The following ALDH1L1 variants were observed in gnomAD, a reference collection of about 807,000 sequenced individuals.
ALDH1L1 encodes the protein aldehyde dehydrogenase 1 family member L1, also known as cytosolic 10-formyltetrahydrofolate dehydrogenase.
ALDH1L1 carries 68 observed loss-of-function variants against 101.1 expected under a neutral mutation model. The observed-to-expected ratio is 0.67, with a 90% CI of 0.55 to 0.82. ALDH1L1 has a LOEUF of 0.82. ALDH1L1 is among the 40% of genes least tolerant of loss of function. The pLI is 0.00. For missense variants in ALDH1L1, 1,087 were observed against 1,172.7 expected, an observed-to-expected ratio of 0.93 and a Z score of 1.07; for synonymous variants, 486 against 470.8, an observed-to-expected ratio of 1.03 and a Z score of -0.42.
At chr3:126,189,829 C>A (rs1192324390) in intron 1 of ALDH1L1, among the ~76,000 whole-genome samples, 1 of 152,182 alleles carries the variant, frequency 6.6e-6, no homozygotes, top group Non-Finnish European at 1.5e-5. Flanking sequence ...ATGTTTTCCA[C>A]TGGGAGTGAA....
At chr3:126,176,525 A>T (rs891263218) in intron 1 of ALDH1L1, among the ~76,000 whole-genome samples, 12 of 152,214 alleles carry the variant, frequency 7.9e-5, no homozygotes, top group African/African-American at 2.9e-4. Flanking sequence ...AAGTAAACTC[A>T]CATCAATACA....
intron 1 of ALDH1L1, among the ~76,000 whole-genome samples, chr3:126,170,058 A>G (rs2081245408): frequency 6.6e-6 from 1 of 152,216 alleles, no homozygotes; most frequent in Non-Finnish European, 1.5e-5. Context: ...AGTCCTATTC[A>G]TGTAAAAAAA....
rs751304415 is a variant in ALDH1L1, at chr3:126,105,787, G to C, written c.2592C>G (p.Asn864Lys). The C allele has an allele frequency of 1.9e-6, 3 of 1,614,228 alleles. No individual in the cohort carries two copies. The highest frequency in any genetic ancestry group is 2.2e-5 in the South Asian group (2 of 91,088). The change falls in exon 22 of 23, where the codon AAC becomes AAG. Residue 864 changes from asparagine to lysine, a missense_variant. This residue lies in a region of ALDH1L1 where 442 missense variants were observed against 535.7 expected (regional missense o/e 0.83). Transcript: ENST00000393434. ...QAGTVFVNTYNKTDVAAPFGG... is the reference protein window; with the variant it reads ...QAGTVFVNTYKKTDVAAPFGG... ...CGAAGGGAGCGGCCACGTCGGTCTT[G>C]TTGTACGTGTTGACAAACACAGTGC...
intron 9 of ALDH1L1, among the ~76,000 whole-genome samples, chr3:126,144,444 T>C (rs1214032669): frequency 1.3e-5 from 2 of 152,246 alleles, no homozygotes; most frequent in Non-Finnish European, 2.9e-5. Context: ...TCACATTTCC[T>C]GATTTCAAAA....
upstream of ALDH1L1, chr3:126,180,613 A>G: frequency 8.0e-7 from 1 of 1,248,366 alleles, no homozygotes; most frequent in Non-Finnish European, 1.0e-6. Flanking sequence ...GCTCTGGTTA[A>G]GGCCAGAGCC....
Position 126,110,087 on chromosome 3 carries a change from T to C in ALDH1L1, c.2204A>G (p.Lys735Arg). The C allele has an allele frequency of 6.2e-7, 1 of 1,614,180 alleles. No homozygotes were observed. Among genetic ancestry groups the C allele is most frequent in the Non-Finnish European group, 8.5e-7 (1 of 1,180,020 alleles). ...GTCCCTGTCCAGCGGGTTGCCCACC[T>C]TCATCTTCCGCACCTCTTCTACCTG... ...RRVVEEVRKM[K>R]VGNPLDRDTD... is the part of the protein sequence containing the mutation. Residue 735 changes from lysine to arginine, a missense_variant, in exon 20 of 23, where the codon AAG becomes AGG. By Grantham distance (26) the Lys-to-Arg change is conservative. This residue lies in a region of ALDH1L1 where 442 missense variants were observed against 535.7 expected (regional missense o/e 0.83). Coordinates refer to ENST00000393434, the MANE Select transcript of ALDH1L1 (RefSeq NM_012190.4).
chr3:126,149,380 C>T (rs980219827), intron 8 of ALDH1L1, among the ~76,000 whole-genome samples: 1 of 152,186 alleles, frequency 6.6e-6, no homozygotes, highest in South Asian at 2.1e-4. Context: ...AAGATAGCAT[C>T]GTTTGACTCA....
intron 10 of ALDH1L1, 46 bp downstream of exon 10, chr3:126,137,767 C>T (rs2080478831): frequency 6.3e-7 from 1 of 1,597,098 alleles, no homozygotes; most frequent in South Asian, 1.1e-5. Context: ...GATGCAGCTG[C>T]CTGAGGGCTC....
intron 13 of ALDH1L1, among the ~76,000 whole-genome samples, chr3:126,130,598 A>C (rs1172236797): frequency 6.6e-6 from 1 of 152,196 alleles, no homozygotes; most frequent in Admixed American, 6.5e-5. Flanking sequence ...CCACAGCTCT[A>C]AGCAGTTGAG....
chr3:126,119,546 G>C (rs2108207414), intron 16 of ALDH1L1, among the ~76,000 whole-genome samples: 1 of 152,188 alleles, frequency 6.6e-6, no homozygotes, highest in East Asian at 1.9e-4. Flanking sequence ...CCTGCCTCCA[G>C]GCTTGTAAAA....
chr3:126,144,433 C>T (rs2080631098), intron 9 of ALDH1L1, among the ~76,000 whole-genome samples: 1 of 152,162 alleles, frequency 6.6e-6, no homozygotes, highest in Admixed American at 6.5e-5. Context: ...AGTTAGAGGA[C>T]TCACATTTCC....
chr3:126,146,980 C>T, intron 8 of ALDH1L1, 54 bp from the exon 9 acceptor site: 2 of 1,550,722 alleles, frequency 1.3e-6, no homozygotes, highest in Non-Finnish European at 8.8e-7. Context: ...GGGACAAGTG[C>T]CACTCCAGGA....
At chr3:126,167,607 A>C (rs1033899598) in intron 1 of ALDH1L1, among the ~76,000 whole-genome samples, 1 of 152,024 alleles carries the variant, frequency 6.6e-6, no homozygotes, top group African/African-American at 2.4e-5. Context: ...AGTGCACCTT[A>C]AGAAAAATCT....
In ALDH1L1 at chr3:126,180,561, C is replaced by T; in HGVS notation, c.-109G>A. On this transcript the variant is annotated 5_prime_UTR_variant, in exon 1 of 23. Transcript: ENST00000393434. ...GAAACTGAGGTTGGTGCAGACCCGT[C>T]CTGGGAGCCAGGAGGTGGGACCTGT... 1 of 1,118,628 alleles carries T rather than the reference C, an allele frequency of 8.9e-7. No individual in the cohort carries two copies. Among genetic ancestry groups the T allele is most frequent in the Non-Finnish European group, 1.1e-6 (1 of 907,930 alleles). The allele number at this position is 1,118,628 out of a possible 1,614,324, so 69.3% of individuals were successfully genotyped here.
At position 126,118,071 on chromosome 3, in the gene ALDH1L1, T is replaced by C. The variant is rs971767762; in HGVS notation, c.1916A>G (p.Asp639Gly). The part of the protein sequence containing the change: ...SGSLVGQRLS[D>G]HPDVRKIGFT... Reference sequence around the variant, plus strand: ...CCCGATTTTCCTCACATCAGGATGGTCTGAGAGTCTCTGGCCGACCAGGGA... The same window carrying C: ...CCCGATTTTCCTCACATCAGGATGGCCTGAGAGTCTCTGGCCGACCAGGGA... Residue 639 changes from aspartate to glycine, a missense_variant, in exon 17 of 23, where the codon GAC becomes GGC. This residue lies in a region of ALDH1L1 where 442 missense variants were observed against 535.7 expected (regional missense o/e 0.83). Transcript: ENST00000393434. 4.3e-6 allele frequency: 7 copies of C among 1,613,890 alleles called. No individual in the cohort carries two copies. The highest frequency in any genetic ancestry group is 5.9e-6 in the Non-Finnish European group (7 of 1,179,938).
chr3:126,153,109 A>G (rs1294447466), intron 7 of ALDH1L1: 1 of 388,220 alleles, frequency 2.6e-6, no homozygotes, highest in African/African-American at 2.1e-5. Context: ...GATAGACCAA[A>G]GAGAGGCCCT....
Position 126,105,637 on chromosome 3 carries a change from T to A in ALDH1L1, c.2653+89A>T, listed in dbSNP as rs766623339. ...TCATGTTCAAGGCTACGTCCCTGCATCTGAGATAGGACCTGGCCCTAAGTG... is the reference window on the plus strand; with the variant it reads ...TCATGTTCAAGGCTACGTCCCTGCAACTGAGATAGGACCTGGCCCTAAGTG... On this transcript the variant is annotated intron_variant, in intron 22 of 22. Coordinates refer to ENST00000393434, the MANE Select transcript of ALDH1L1 (RefSeq NM_012190.4). The A allele has an allele frequency of 1.4e-5, 20 of 1,447,372 alleles. No homozygotes were observed. In the East Asian group the frequency reaches 4.1e-4, roughly 30 times the overall value. The allele number at this position is 1,447,372 out of a possible 1,614,324, so 89.7% of individuals were successfully genotyped here.
intron 14 of ALDH1L1, among the ~76,000 whole-genome samples, chr3:126,127,564 C>A (rs1275804239): frequency 6.6e-6 from 1 of 152,134 alleles, no homozygotes; most frequent in African/African-American, 2.4e-5. Flanking sequence ...TTCTTGGTGT[C>A]CCCAAGAAAT....
intron 8 of ALDH1L1, among the ~76,000 whole-genome samples, chr3:126,148,065 C>T (rs72967744): frequency 0.07 from 10,596 of 152,240 alleles, 470 homozygotes; most frequent in African/African-American, 0.12. Context: ...TCAGACCACA[C>T]CGCTTGGGGC....
Sources: gnomAD v4.1 joint callset for allele counts (sites outside exome capture counted in the v4.1 genomes callset) on GRCh38, gnomAD v4.1.1 for gene constraint, gnomAD v4.1.1 regional missense constraint, MANE v1.5 for transcripts, NCBI Gene and HGNC (gene_info 2026-07-23, HGNC 2026-07-21) for gene names.